Variants in CFAP54 observed in about 807,000 individuals in gnomAD.
CFAP54 encodes the protein cilia and flagella associated protein 54.
A neutral mutation model predicts 370.4 loss-of-function variants in CFAP54; 290 were observed. The ratio of observed to expected loss-of-function variants is 0.78; its 90% CI spans 0.71 to 0.86. The LOEUF (loss-of-function observed/expected upper bound fraction) is 0.86. Ranked by LOEUF, CFAP54 falls within the 40% of genes least tolerant of loss-of-function variation. CFAP54 has a pLI of 0.00. For missense variants in CFAP54, 3,399 were observed against 3,528.7 expected, an observed-to-expected ratio of 0.96 and a Z score of 0.93; for synonymous variants, 1,206 against 1,236.5, an observed-to-expected ratio of 0.98 and a Z score of 0.52.
At chr12:96,616,351 G>A (rs912402095) in intron 26 of CFAP54, among the ~76,000 whole-genome samples, 8 of 151,820 alleles carry the variant, frequency 5.3e-5, no homozygotes, top group African/African-American at 1.9e-4. Context: ...ATCACACACC[G>A]GGGCCTGTCG....
rs749658762 is a variant in CFAP54 at position 96,592,527 on chromosome 12, C to A, written c.3250C>A (p.Leu1084Ile). The change falls in exon 24 of 68, where the codon CTC becomes ATC. Residue 1084 changes from leucine (L) to isoleucine (I), a missense_variant. By Grantham distance (5) the Leu-to-Ile change is conservative. Transcript: ENST00000524981. ...SDILAETSSI[L>I]LYLFLRNIFV... is the part of the protein sequence containing the mutation. ...TATTTTGGCAGAGACTTCTTCAATCCTCTTGTACCTTTTTCTTAGAAATAT... is the reference window on the plus strand; with the variant it reads ...TATTTTGGCAGAGACTTCTTCAATCATCTTGTACCTTTTTCTTAGAAATAT... 1 of 940,160 alleles carries A rather than the reference C, an allele frequency of 1.1e-6. No individual in the cohort carries two copies. Among genetic ancestry groups the A allele is most frequent in the Non-Finnish European group, 1.5e-6 (1 of 646,120 alleles). The allele number at this position is 940,160 out of a possible 1,614,324, so 58.2% of individuals were successfully genotyped here. A position where few individuals can be genotyped will look rare whatever the true frequency, so the allele number is the denominator to read the frequency against.
intron 66 of CFAP54, among the ~76,000 whole-genome samples, chr12:96,835,843 C>T (rs576956004): frequency 3.3e-5 from 5 of 152,252 alleles, no homozygotes; most frequent in South Asian, 4.1e-4. Context: ...AGTGTGCAGC[C>T]CCAGCCATGC....
At chr12:96,855,182 T>G (rs973856434) in intron 66 of CFAP54, among the ~76,000 whole-genome samples, 33 of 152,156 alleles carry the variant, frequency 2.2e-4, no homozygotes, top group Admixed American at 1.2e-3. Context: ...GCCCCCATGA[T>G]TAGATTACCT....
intron 66 of CFAP54, among the ~76,000 whole-genome samples, chr12:96,852,304 C>T (rs1365524422): frequency 1.3e-5 from 2 of 152,040 alleles, no homozygotes; most frequent in Non-Finnish European, 2.9e-5. Flanking sequence ...GGTAGATAGT[C>T]TCTATATATT....
intron 23 of CFAP54, among the ~76,000 whole-genome samples, chr12:96,591,776 A>G (rs1272069119): frequency 6.3e-5 from 9 of 142,024 alleles, no homozygotes; most frequent in African/African-American, 2.1e-4. Flanking sequence ...CTGTAGTCCC[A>G]GCTACACGGG....
chr12:96,644,140 T>C, intron 32 of CFAP54, 38 bp from the exon 33 acceptor site: 1 of 1,319,762 alleles, frequency 7.6e-7, no homozygotes, highest in African/African-American at 1.5e-5. Flanking sequence ...TATCTGAAAG[T>C]TCTTGTGTAA....
chr12:96,821,702 TAAAA>T (rs10577712), intron 65 of CFAP54, among the ~76,000 whole-genome samples: 18 of 131,898 alleles, frequency 1.4e-4, no homozygotes, highest in African/African-American at 2.5e-4. Context: ...AGCACTTTAT[TAAAA>T]AAAAAAAAAA....
chr12:96,675,357 T>G (rs1307462692), intron 39 of CFAP54, among the ~76,000 whole-genome samples: 4 of 152,182 alleles, frequency 2.6e-5, no homozygotes, highest in Non-Finnish European at 4.4e-5. Flanking sequence ...TCACTGGCCA[T>G]CAGAGAAGTG....
intron 32 of CFAP54, among the ~76,000 whole-genome samples, chr12:96,641,010 G>A (rs1292371161): frequency 6.6e-6 from 1 of 152,018 alleles, no homozygotes; most frequent in Non-Finnish European, 1.5e-5. Context: ...CAGGACATAG[G>A]CATGGGCAAG....
chr12:96,578,134 A>G (rs915045871), intron 20 of CFAP54, among the ~76,000 whole-genome samples: 11 of 152,198 alleles, frequency 7.2e-5, no homozygotes, highest in South Asian at 6.2e-4. Flanking sequence ...ATTCTGTCCA[A>G]TGAGCATTTA....
intron 19 of CFAP54, among the ~76,000 whole-genome samples, chr12:96,574,669 A>G (rs1955957606): frequency 6.6e-6 from 1 of 152,118 alleles, no homozygotes; most frequent in African/African-American, 2.4e-5. Flanking sequence ...AATTATATTT[A>G]TATACTTCCT....
intron 66 of CFAP54, among the ~76,000 whole-genome samples, chr12:96,850,626 T>C (rs910466942): frequency 1.3e-5 from 2 of 152,136 alleles, no homozygotes; most frequent in African/African-American, 4.8e-5. Context: ...CTAGGTCTCA[T>C]GGGTGTGTAT....
intron 47 of CFAP54, among the ~76,000 whole-genome samples, chr12:96,706,957 AG>A (rs1957553513): frequency 6.6e-6 from 1 of 152,162 alleles, no homozygotes; most frequent in African/African-American, 2.4e-5. Context: ...ACAGCGAAAA[AG>A]TTGTGATTTC....
At chr12:96,600,614 C>T (rs1021049395) in intron 26 of CFAP54, among the ~76,000 whole-genome samples, 5 of 152,118 alleles carry the variant, frequency 3.3e-5, no homozygotes, top group African/African-American at 4.8e-5. Flanking sequence ...TCTTCCTATC[C>T]ATGAGCATGG....
intron 39 of CFAP54, among the ~76,000 whole-genome samples, chr12:96,673,243 G>A (rs1957169066): frequency 2.0e-5 from 3 of 152,172 alleles, no homozygotes; most frequent in African/African-American, 4.8e-5. Flanking sequence ...TTACTAGTAA[G>A]TGGTGGGCCT....
At chr12:96,638,227 GTGTGTGTGTGTGTGTATATA>G (rs1956683307) in intron 32 of CFAP54, among the ~76,000 whole-genome samples, 1 of 92,842 alleles carries the variant, frequency 1.1e-5, no homozygotes, top group Non-Finnish European at 2.4e-5. Flanking sequence ...GTGTGTGTGT[GTGTGTGTGTGTGTGTATATA>G]TATATATATT....
chr12:96,741,504 A>G lies in CFAP54; in HGVS notation c.7072-935A>G, dbSNP rs557978401. 9.9e-5 allele frequency among the ~76,000 whole-genome samples: 15 copies of G among 151,838 alleles called. 1 individual carries two copies. The highest frequency in any genetic ancestry group is 3.6e-4 in the African/African-American group (15 of 41,402). On this transcript the variant is annotated intron_variant, in intron 51 of 67. Transcript: ENST00000524981. ...TTGTTTCCAGGGAACACCTTGCCCT[A>G]CTCTTCCTGTACTACCCACCTGCAT...
At chr12:96,655,442 G>T (rs1050352555) in intron 36 of CFAP54, among the ~76,000 whole-genome samples, 9 of 152,078 alleles carry the variant, frequency 5.9e-5, no homozygotes, top group Non-Finnish European at 2.9e-5. Context: ...GTTGGAATTA[G>T]AATTACTAGG....
chr12:96,519,897 C>G (rs1401336280), intron 6 of CFAP54, among the ~76,000 whole-genome samples: 1 of 152,226 alleles, frequency 6.6e-6, no homozygotes, highest in Admixed American at 6.5e-5. Context: ...TCTTTCCATC[C>G]TCACTTTGCT....
Sources: gnomAD v4.1 joint callset for allele counts (sites outside exome capture counted in the v4.1 genomes callset) on GRCh38, gnomAD v4.1.1 for gene constraint, MANE v1.5 for transcripts, NCBI Gene and HGNC (gene_info 2026-07-23, HGNC 2026-07-21) for gene names.